ABCA13: variants seen among roughly 807,000 people sequenced by gnomAD.
ABCA13 encodes ATP-binding cassette sub-family A member 13.
A neutral mutation model predicts 478.7 loss-of-function variants in ABCA13; 476 were observed. The observed-to-expected ratio is 0.99, with a 90% CI of 0.92 to 1.07. The LOEUF is 1.07. ABCA13 is among the 50% of genes least tolerant of loss of function. The pLI, the probability that ABCA13 is intolerant of heterozygous loss-of-function variation, is 0.00. For synonymous variants in ABCA13, 2,252 were observed against 2,158.9 expected, an observed-to-expected ratio of 1.04 and a Z score of -1.20; for missense variants, 6,060 against 5,910.6, an observed-to-expected ratio of 1.03 and a Z score of -0.83.
At chr7:48,505,844 A>G (rs979111213) in intron 48 of ABCA13, among the ~76,000 whole-genome samples, 20 of 152,248 alleles carry the variant, frequency 1.3e-4, no homozygotes, top group African/African-American at 4.6e-4. Flanking sequence ...GCGCAAGCCC[A>G]AGAAAGCAAA....
intron 27 of ABCA13, among the ~76,000 whole-genome samples, chr7:48,317,562 G>T (rs1042508322): frequency 2.0e-5 from 3 of 152,210 alleles, no homozygotes; most frequent in Admixed American, 6.5e-5. Context: ...ACTCTAATAT[G>T]AAAAGTCAAG....
chr7:48,278,597 A>G lies in ABCA13; in HGVS notation c.7403A>G (p.Asn2468Ser). Residue 2468 changes from asparagine to serine, a missense_variant, in exon 18 of 62, where the codon AAC (asparagine) becomes AGC (serine). Asn to Ser is a conservative substitution (Grantham distance 46, BLOSUM62 1). Around this residue, in one of 3 missense-constraint regions of ABCA13, gnomAD observed 4,423 missense variants for 4,309.1 expected, o/e 1.03. Coordinates refer to ENST00000435803, the MANE Select transcript of ABCA13 (RefSeq NM_152701.5). ...ATAAATAATTCATTCCCTCTAAGAA[A>G]CAGAGCAACATTAGAAATTACTAAG... ...FFINNSFPLRNRATLEITKRL... is the reference protein window; with the variant it reads ...FFINNSFPLRSRATLEITKRL... 9 of 1,613,902 alleles carry G rather than the reference A, an allele frequency of 5.6e-6. No individual in the cohort carries two copies. The highest frequency in any genetic ancestry group is 4.5e-5 in the East Asian group (2 of 44,878).
chr7:48,234,582 G>A (rs1485897320), intron 8 of ABCA13, among the ~76,000 whole-genome samples: 1 of 152,204 alleles, frequency 6.6e-6, no homozygotes, highest in African/African-American at 2.4e-5. Flanking sequence ...GTACGTTATG[G>A]ATGCCTGCTG....
intron 15 of ABCA13, among the ~76,000 whole-genome samples, chr7:48,253,391 T>A (rs1792875461): frequency 6.6e-6 from 1 of 152,242 alleles, no homozygotes; most frequent in African/African-American, 2.4e-5. Flanking sequence ...TTGAAATTGA[T>A]ACACATCTTC....
At position 48,646,358 on chromosome 7, in the gene ABCA13, G is replaced by A. The variant is rs1337630542; in HGVS notation, c.*846G>A. On this transcript the variant is annotated 3_prime_UTR_variant, in exon 62 of 62. Transcript: ENST00000435803. Reference sequence around the variant, plus strand: ...CTGCATTGCCATCTTCTGGGAGCTTGCAAGAAATGTACATTCTCAGGATCC... The same window carrying A: ...CTGCATTGCCATCTTCTGGGAGCTTACAAGAAATGTACATTCTCAGGATCC... The A allele has an allele frequency of 6.6e-6, 1 of 152,128 alleles. No individual in the cohort carries two copies. 9.4% of individuals were successfully genotyped at this position (152,128 alleles called of 1,614,324 possible). A position where few individuals can be genotyped will look rare whatever the true frequency, so the allele number is the denominator to read the frequency against.
chr7:48,179,858 T>C (rs1795423992), intron 1 of ABCA13, among the ~76,000 whole-genome samples: 1 of 152,226 alleles, frequency 6.6e-6, no homozygotes, highest in Admixed American at 6.5e-5. Context: ...TCTTTCTCTC[T>C]GCCAACAATC....
At chr7:48,456,002 G>C (rs932015706) in intron 43 of ABCA13, among the ~76,000 whole-genome samples, 1 of 152,234 alleles carries the variant, frequency 6.6e-6, no homozygotes, top group Non-Finnish European at 1.5e-5. Context: ...GAGTCAGGGA[G>C]GCCCGGCCCT....
chr7:48,477,796 C>T (rs570682565), intron 45 of ABCA13, among the ~76,000 whole-genome samples: 175 of 150,848 alleles, frequency 1.2e-3, no homozygotes, highest in South Asian at 5.1e-3. Flanking sequence ...TGCTAAATGA[C>T]GAGTTAATGG....
At chr7:48,578,393 A>G (rs1032243824) in intron 55 of ABCA13, among the ~76,000 whole-genome samples, 1 of 152,204 alleles carries the variant, frequency 6.6e-6, no homozygotes, top group Non-Finnish European at 1.5e-5. Context: ...TACAACGTTA[A>G]TATAGAAAAG....
Position 48,234,013 on chromosome 7 carries a change from A to G in ABCA13, c.764-5A>G. ...GCTGGTGTAAATCTTTTGTTATTCC[A>G]ACAGAGCCAGTTTACCACCTGTCCA... On this transcript the variant is annotated splice_region_variant and splice_polypyrimidine_tract_variant and intron_variant, in intron 7 of 61. Transcript: ENST00000435803. The G allele has an allele frequency of 1.2e-6, 2 of 1,613,754 alleles. No individual in the cohort carries two copies. Among genetic ancestry groups the G allele is most frequent in the South Asian group, 1.1e-5 (1 of 91,056 alleles).
intron 35 of ABCA13, among the ~76,000 whole-genome samples, chr7:48,386,102 T>G (rs1039715034): frequency 6.6e-6 from 1 of 152,108 alleles, no homozygotes; most frequent in African/African-American, 2.4e-5. Context: ...GCAACAACAG[T>G]CAAGCCCAGA....
chr7:48,477,229 G>T (rs1013685173), intron 45 of ABCA13, among the ~76,000 whole-genome samples: 2 of 152,050 alleles, frequency 1.3e-5, no homozygotes, highest in Admixed American at 6.5e-5. Context: ...TCATTAAAAA[G>T]TCAGGAAACA....
At position 48,275,164 on chromosome 7, in the gene ABCA13, G is replaced by A. The variant is rs374948280; in HGVS notation, c.5498G>A (p.Arg1833Gln). Residue 1833 changes from arginine (R) to glutamine (Q), a missense_variant, in exon 17 of 62, where the codon CGG (arginine) becomes CAG (glutamine). Arg to Gln is a conservative substitution (Grantham distance 43). Transcript: ENST00000435803. The stretch of plus-strand genomic sequence containing the variant: ...TGGAATCACACAAATTCTGGATTTC[G>A]GCAGAATTCAAAGATAGACCCCTGC... ...WCWNHTNSGF[R>Q]QNSKIDPCNV... 1.3e-5 allele frequency: 21 copies of A among 1,613,718 alleles called. No individual in the cohort carries two copies. Among genetic ancestry groups the A allele is most frequent in the Middle Eastern group, 1.6e-4 (1 of 6,084 alleles).
rs1450179964 is a variant in ABCA13, at chr7:48,273,693, T to C, written c.4027T>C (p.Leu1343=). The change falls in exon 17 of 62, where the codon TTG becomes CTG. Residue 1343 remains leucine, a synonymous_variant. Coordinates refer to ENST00000435803, the MANE Select transcript of ABCA13 (RefSeq NM_152701.5). ...TAGAAATGTATCACATGATCGAGAT[T>C]TGTTTTCCTGTGCTGATATTTTCCA... ...FLRNVSHDRD[L]FSCADIFQNV... The C allele has an allele frequency of 2.5e-6, 4 of 1,608,608 alleles. No homozygotes were observed. The highest frequency in any genetic ancestry group is 3.4e-6 in the Non-Finnish European group (4 of 1,177,132).
rs1306512247 is a variant in ABCA13 at position 48,354,378 on chromosome 7, C to A, written c.10688+1891C>A. On this transcript the variant is annotated intron_variant, in intron 31 of 61. Transcript: ENST00000435803. ...CACGATGGGAAGAACAGCATACACT[C>A]CTACAAATGTATTGATGGAAATCCA... Among the ~76,000 whole-genome samples, 4 of 152,114 alleles carry A rather than the reference C, an allele frequency of 2.6e-5. 1 individual carries two copies. The highest frequency in any genetic ancestry group is 9.7e-5 in the African/African-American group (4 of 41,374).
In ABCA13 at chr7:48,272,843, C is replaced by T. The variant is rs1203527128; in HGVS notation, c.3177C>T (p.His1059=). ...STEGQELEVI[H]TTLTGLKQLL... is the part of the protein sequence containing the mutation. ...AGGGCCAAGAACTGGAAGTGATCCA[C>T]ACTACTTTGACAGGCCTCAAACAGC... Residue 1059 remains histidine (H), a synonymous_variant, in exon 17 of 62, where the codon CAC becomes CAT. Coordinates refer to ENST00000435803, the MANE Select transcript of ABCA13 (RefSeq NM_152701.5). 1.2e-6 allele frequency: 2 copies of T among 1,607,502 alleles called. No individual in the cohort carries two copies. The highest frequency in any genetic ancestry group is 1.7e-5 in the Admixed American group (1 of 59,060).
At chr7:48,261,524 T>C (rs1794181064) in intron 15 of ABCA13, among the ~76,000 whole-genome samples, 1 of 151,934 alleles carries the variant, frequency 6.6e-6, no homozygotes, top group African/African-American at 2.4e-5. Flanking sequence ...CTGTATGAAT[T>C]CCTAACTTTA....
chr7:48,412,492 C>T lies in ABCA13; in HGVS notation c.12368C>T (p.Ala4123Val), dbSNP rs1819403962. 6.2e-7 allele frequency: 1 copy of T among 1,613,500 alleles called. No individual in the cohort carries two copies. Among genetic ancestry groups the T allele is most frequent in the South Asian group, 1.1e-5 (1 of 91,056 alleles). ...ACCATTCCAAAGGACACAGACAAGG[C>T]CTGCTTGAAAGGGCTCTTCCAGGCC... ...TYTIPKDTDK[A>V]CLKGLFQALD... Residue 4123 changes from alanine to valine, a missense_variant, in exon 41 of 62, where the codon GCC becomes GTC. Physicochemically the swap from Ala to Val is moderately conservative, Grantham distance 64 (BLOSUM62 0). Coordinates refer to ENST00000435803, the MANE Select transcript of ABCA13 (RefSeq NM_152701.5).
intron 7 of ABCA13, among the ~76,000 whole-genome samples, chr7:48,232,893 C>CT (rs1789368912): frequency 6.6e-6 from 1 of 152,080 alleles, no homozygotes; most frequent in African/African-American, 2.4e-5. Context: ...AAGTGGGACT[C>CT]TAAGAAAAAG....
Sources: gnomAD v4.1 joint callset for allele counts (sites outside exome capture counted in the v4.1 genomes callset) on GRCh38, gnomAD v4.1.1 for gene constraint, gnomAD v4.1.1 regional missense constraint, MANE v1.5 for transcripts, NCBI Gene and HGNC (gene_info 2026-07-23, HGNC 2026-07-21) for gene names.